The following GAS7 variants were observed in gnomAD, a reference collection of about 807,000 sequenced individuals.
GAS7 encodes the protein growth arrest-specific protein 7.
In GAS7, 28 loss-of-function variants were observed where a neutral mutation model predicts 71.1. That is an observed-to-expected ratio of 0.39 (90% CI 0.29 to 0.54). The LOEUF (loss-of-function observed/expected upper bound fraction) is 0.54, where lower values mean the gene tolerates loss of function less well. Among genes scored for constraint, GAS7 ranks in the 20% least tolerant of loss-of-function variants. The pLI, the probability that GAS7 is intolerant of heterozygous loss-of-function variation, is 0.62. For missense variants in GAS7, 436 were observed against 627.8 expected, an observed-to-expected ratio of 0.69 and a Z score of 3.27; for synonymous variants, 258 against 245.8, an observed-to-expected ratio of 1.05 and a Z score of -0.46.
chr17:9,917,859 C>T (rs2067639637), intron 13 of GAS7, 142 bp downstream of exon 13: 1 of 625,432 alleles, frequency 1.6e-6, no homozygotes. Context: ...CACGAGGCCA[C>T]CCCCAGGCCA....
At chr17:9,984,054 C>T (rs527339387) in intron 2 of GAS7, among the ~76,000 whole-genome samples, 3 of 152,310 alleles carry the variant, frequency 2.0e-5, no homozygotes, top group East Asian at 3.9e-4. Flanking sequence ...GGCCCACATA[C>T]ATGCCTCTAG....
At chr17:10,024,075 G>A (rs1190537405) in intron 1 of GAS7, among the ~76,000 whole-genome samples, 1 of 152,124 alleles carries the variant, frequency 6.6e-6, no homozygotes. Context: ...CGTGAGCCAA[G>A]ACTGCGCCAT....
intron 1 of GAS7, among the ~76,000 whole-genome samples, chr17:10,029,794 G>T (rs2072565238): frequency 6.6e-6 from 1 of 152,046 alleles, no homozygotes; most frequent in Non-Finnish European, 1.5e-5. Context: ...GGAGATTGCA[G>T]TGAGCTGAGA....
In GAS7 at chr17:9,926,914, C is replaced by A. The variant is rs540158781; in HGVS notation, c.886-145G>T. 115 of 763,540 alleles carry A rather than the reference C, an allele frequency of 1.5e-4. No homozygotes were observed. The African/African-American group carries it at 1.7e-3, about 11-fold the overall frequency. 47.3% of individuals were successfully genotyped at this position (763,540 alleles called of 1,614,324 possible). A position where few individuals can be genotyped will look rare whatever the true frequency, so the allele number is the denominator to read the frequency against. Reference sequence around the variant, plus strand: ...AGCGACCTGGCAGGAAGGTGAGAGACACCCCCTGACACGTGGCTGCCTATC... The same window carrying A: ...AGCGACCTGGCAGGAAGGTGAGAGAAACCCCCTGACACGTGGCTGCCTATC... On this transcript the variant is annotated intron_variant, in intron 9 of 13. Coordinates refer to ENST00000432992, the MANE Select transcript of GAS7 (RefSeq NM_201433.2). This position sits in a 1 kb window ranked among gnomAD's most constrained non-coding sequence, Gnocchi z 5.0.
At chr17:9,993,415 G>C (rs1371747802) in intron 2 of GAS7, among the ~76,000 whole-genome samples, 2 of 152,212 alleles carry the variant, frequency 1.3e-5, no homozygotes, top group Admixed American at 6.5e-5. Flanking sequence ...TTTGAGAAGT[G>C]TCTGTTCATG....
chr17:10,011,870 G>A (rs1245137868), intron 2 of GAS7, among the ~76,000 whole-genome samples: 1 of 152,154 alleles, frequency 6.6e-6, no homozygotes, highest in South Asian at 2.1e-4. Context: ...CAGCTACTAG[G>A]GAGGCTGAGG....
Position 9,959,390 on chromosome 17 carries a change from T to C in GAS7, c.472-135A>G, listed in dbSNP as rs568599278. ...GTCTGAATCCTAAGTCACCATATTC[T>C]GGGCCAGGGCAAGCAGGGGTCTCCC... On this transcript the variant is annotated intron_variant, in intron 4 of 13. Coordinates refer to ENST00000432992, the MANE Select transcript of GAS7 (RefSeq NM_201433.2). This position sits in a 1 kb window ranked among gnomAD's most constrained non-coding sequence, Gnocchi z 5.0. The C allele has an allele frequency of 7.2e-5, 109 of 1,512,572 alleles. No homozygotes were observed. The highest frequency in any genetic ancestry group is 9.6e-5 in the Non-Finnish European group (108 of 1,126,760). The allele number at this position is 1,512,572 out of a possible 1,614,324, so 93.7% of individuals were successfully genotyped here.
chr17:9,924,935 C>T (rs1365518262), intron 11 of GAS7: 2 of 152,272 alleles, frequency 1.3e-5, no homozygotes, highest in Non-Finnish European at 2.9e-5. Context: ...CAGAAACCAA[C>T]TCATTGGGAG....
intron 1 of GAS7, chr17:10,036,827 A>G: frequency 2.6e-6 from 2 of 768,368 alleles, no homozygotes; most frequent in Non-Finnish European, 3.3e-6. Flanking sequence ...CACAACAAAC[A>G]ATGGCCAAGC....
intron 2 of GAS7, among the ~76,000 whole-genome samples, chr17:9,987,356 G>A (rs1018993659): frequency 2.0e-5 from 3 of 152,212 alleles, no homozygotes; most frequent in Non-Finnish European, 2.9e-5. Flanking sequence ...GACCTCTTCC[G>A]CTGAGACCCA....
At chr17:9,992,738 A>T (rs1382418900) in intron 2 of GAS7, among the ~76,000 whole-genome samples, 1 of 149,780 alleles carries the variant, frequency 6.7e-6, no homozygotes, top group Admixed American at 6.6e-5. Context: ...ATATCTCCCA[A>T]TGCTATCCCT....
chr17:10,096,645 C>G (rs561412281), intron 1 of GAS7, among the ~76,000 whole-genome samples: 97 of 152,344 alleles, frequency 6.4e-4, no homozygotes, highest in Non-Finnish European at 9.4e-4. Flanking sequence ...AATTCAGAAC[C>G]AGCACCTGGT....
rs1437515259 is a variant in GAS7 at position 9,969,556 on chromosome 17, T to C, written c.471+121A>G. On this transcript the variant is annotated intron_variant, in intron 4 of 13. Transcript: ENST00000432992. This position sits in a 1 kb window ranked among gnomAD's most constrained non-coding sequence, Gnocchi z 5.5. The stretch of plus-strand genomic sequence containing the variant: ...GAAACAACCCAGACACAGCAACCAC[T>C]TTCTACCTGGGGGCAGAACTGGGCT... 1.2e-5 allele frequency: 8 copies of C among 663,916 alleles called. No individual in the cohort carries two copies. The highest frequency in any genetic ancestry group is 1.9e-5 in the Non-Finnish European group (7 of 361,746). The allele number at this position is 663,916 out of a possible 1,614,324, so 41.1% of individuals were successfully genotyped here. A position where few individuals can be genotyped will look rare whatever the true frequency, so the allele number is the denominator to read the frequency against.
At position 10,180,469 on chromosome 17, in the gene GAS7, C is replaced by T. The variant is rs149196056; in HGVS notation, c.183+17739G>A. On this transcript the variant is annotated intron_variant, in intron 1 of 13. Coordinates refer to ENST00000432992, the MANE Select transcript of GAS7 (RefSeq NM_201433.2). ...CGCTCATCACCATTGCACCAAACTGCCTGCCAAGATGCCCACAAATCGAGA... is the reference window on the plus strand; with the variant it reads ...CGCTCATCACCATTGCACCAAACTGTCTGCCAAGATGCCCACAAATCGAGA... Among the ~76,000 whole-genome samples the T allele has an allele frequency of 3.9e-5, 6 of 152,234 alleles. No homozygotes were observed. In the East Asian group the frequency reaches 1.2e-3, roughly 29 times the overall value.
chr17:10,016,778 TA>T (rs1197348350), intron 2 of GAS7, among the ~76,000 whole-genome samples: 1 of 133,224 alleles, frequency 7.5e-6, no homozygotes, highest in Non-Finnish European at 1.6e-5. Context: ...ATAATAATAA[TA>T]ATAATAATAA....
chr17:10,131,677 A>G (rs1446428988), intron 1 of GAS7, among the ~76,000 whole-genome samples: 1 of 152,226 alleles, frequency 6.6e-6, no homozygotes, highest in African/African-American at 2.4e-5. Flanking sequence ...TCCTGCATGT[A>G]TGAATACATG....
chr17:10,040,673 G>A (rs2072846465), intron 1 of GAS7, among the ~76,000 whole-genome samples: 2 of 151,886 alleles, frequency 1.3e-5, no homozygotes, highest in Admixed American at 1.3e-4. Context: ...CAGCCATGAA[G>A]AGGAGGCAAG....
At chr17:9,922,747 C>T (rs2067863187) in intron 11 of GAS7, among the ~76,000 whole-genome samples, 1 of 152,160 alleles carries the variant, frequency 6.6e-6, no homozygotes. Context: ...TGAAACAATT[C>T]TTGGTTCGAA....
At chr17:10,089,963 T>A (rs1031776219) in intron 1 of GAS7, among the ~76,000 whole-genome samples, 2 of 151,916 alleles carry the variant, frequency 1.3e-5, no homozygotes, top group Non-Finnish European at 2.9e-5. Context: ...AGGCCGGGAG[T>A]TCGAGACCAG....
Sources: allele counts gnomAD v4.1 joint callset (sites outside exome capture counted in the v4.1 genomes callset), GRCh38; gene constraint gnomAD v4.1.1; non-coding constraint Gnocchi (gnomAD v3.1); transcripts MANE v1.5; gene names NCBI Gene and HGNC (gene_info 2026-07-23, HGNC 2026-07-21).